The following PRSS12 variants were observed in gnomAD, a reference collection of about 807,000 sequenced individuals.
PRSS12 encodes neurotrypsin.
Under a neutral mutation model 104.4 loss-of-function variants are expected in PRSS12, and 85 were observed. The observed-to-expected ratio is 0.81, with a 90% confidence interval of 0.68 to 0.98. PRSS12 has a LOEUF of 0.98. Ranked by LOEUF, PRSS12 falls within the 50% of genes least tolerant of loss-of-function variation. PRSS12 has a pLI of 0.00. For missense variants in PRSS12, 1,141 were observed against 1,139.2 expected (o/e 1.00, Z -0.02); for synonymous variants, 454 against 425.2 (o/e 1.07, Z -0.83).
intron 2 of PRSS12, among the ~76,000 whole-genome samples, chr4:118,337,868 C>T (rs1402184362): frequency 6.6e-6 from 1 of 151,862 alleles, no homozygotes; most frequent in Non-Finnish European, 1.5e-5. Context: ...TTTGTAAAGG[C>T]ATAACTTGCT....
chr4:118,310,460 C>T (rs1333117905), intron 7 of PRSS12, among the ~76,000 whole-genome samples: 1 of 152,066 alleles, frequency 6.6e-6, no homozygotes, highest in Non-Finnish European at 1.5e-5. Context: ...TCATTAAATT[C>T]CTAATTCTTG....
intron 2 of PRSS12, 144 bp downstream of exon 2, chr4:118,338,032 T>G (rs192448228): frequency 1.8e-6 from 2 of 1,088,260 alleles, no homozygotes; most frequent in East Asian, 5.2e-5. Context: ...TTGGGGCCCT[T>G]TCTTTATAGC....
chr4:118,324,583 C>A (rs1312591102), intron 4 of PRSS12, among the ~76,000 whole-genome samples: 1 of 152,006 alleles, frequency 6.6e-6, no homozygotes. Context: ...TGAACTTGGC[C>A]CGTTCCTTAA....
chr4:118,337,064 A>G (rs1389700928), intron 2 of PRSS12, among the ~76,000 whole-genome samples: 1 of 152,204 alleles, frequency 6.6e-6, no homozygotes, highest in Non-Finnish European at 1.5e-5. Context: ...TTGCTCTAAC[A>G]GCATCAAAAA....
At chr4:118,343,203 A>G (rs1323366727) in intron 1 of PRSS12, among the ~76,000 whole-genome samples, 2 of 151,996 alleles carry the variant, frequency 1.3e-5, no homozygotes, top group African/African-American at 4.8e-5. Context: ...GGCCTAGACA[A>G]CAGAGTGAGA....
At chr4:118,291,779 TA>T (rs1321882289) in intron 11 of PRSS12, among the ~76,000 whole-genome samples, 3 of 152,160 alleles carry the variant, frequency 2.0e-5, no homozygotes, top group Non-Finnish European at 4.4e-5. Context: ...AAGACTGAAT[TA>T]ATTTCATGGG....
At chr4:118,343,269 T>C (rs988414368) in intron 1 of PRSS12, among the ~76,000 whole-genome samples, 4 of 151,390 alleles carry the variant, frequency 2.6e-5, no homozygotes, top group Admixed American at 2.6e-4. Context: ...GTGGCCCACG[T>C]GTGTAGTCCC....
chr4:118,307,744 AC>A (rs1165535071), intron 8 of PRSS12, among the ~76,000 whole-genome samples: 3 of 151,982 alleles, frequency 2.0e-5, no homozygotes, highest in Non-Finnish European at 4.4e-5. Flanking sequence ...TCTTATTGTA[AC>A]TCACGCCTGA....
intron 1 of PRSS12, among the ~76,000 whole-genome samples, chr4:118,344,348 G>A (rs1425333709): frequency 6.6e-6 from 1 of 152,050 alleles, no homozygotes; most frequent in Non-Finnish European, 1.5e-5. Context: ...ACTCTTGGTT[G>A]AATTTTTCAA....
chr4:118,341,501 G>A (rs1226630947), intron 1 of PRSS12, among the ~76,000 whole-genome samples: 1 of 152,016 alleles, frequency 6.6e-6, no homozygotes, highest in Admixed American at 6.6e-5. Flanking sequence ...TGACCAACAT[G>A]GAGAAACCCC....
intron 8 of PRSS12, among the ~76,000 whole-genome samples, chr4:118,302,491 A>C (rs788646): frequency 0.29 from 44,584 of 152,146 alleles, 8,121 homozygotes; most frequent in Middle Eastern, 0.44. Flanking sequence ...CAATGGCACA[A>C]TCTCAGCTTA....
At chr4:118,285,785 G>A (rs915242536) in intron 11 of PRSS12, among the ~76,000 whole-genome samples, 4 of 151,926 alleles carry the variant, frequency 2.6e-5, no homozygotes, top group Non-Finnish European at 5.9e-5. Context: ...ATTATTTAAA[G>A]TACTTTGACC....
intron 8 of PRSS12, among the ~76,000 whole-genome samples, chr4:118,305,504 C>A (rs1467327561): frequency 2.0e-5 from 3 of 152,008 alleles, no homozygotes; most frequent in Admixed American, 2.0e-4. Flanking sequence ...AAAAAATCTT[C>A]TTCAGTTTGG....
At chr4:118,289,821 T>C (rs1311045064) in intron 11 of PRSS12, among the ~76,000 whole-genome samples, 1 of 152,190 alleles carries the variant, frequency 6.6e-6, no homozygotes, top group African/African-American at 2.4e-5. Flanking sequence ...GTTTTTTCCC[T>C]ACTCACATTA....
chr4:118,330,545 T>C (rs1208798318), intron 4 of PRSS12, among the ~76,000 whole-genome samples: 1 of 151,994 alleles, frequency 6.6e-6, no homozygotes, highest in African/African-American at 2.4e-5. Flanking sequence ...CAGGCCTTTC[T>C]AGAGTAAAAG....
At chr4:118,308,602 G>T in intron 7 of PRSS12, 25 bp from the exon 8 acceptor site, 1 of 1,527,714 alleles carries the variant, frequency 6.5e-7, no homozygotes, top group Non-Finnish European at 8.9e-7. Context: ...AAAAGTATTA[G>T]AACAGCCCAA....
At chr4:118,298,191 A>G (rs1472461509) in intron 9 of PRSS12, among the ~76,000 whole-genome samples, 1 of 151,980 alleles carries the variant, frequency 6.6e-6, no homozygotes, top group Non-Finnish European at 1.5e-5. Flanking sequence ...CAAGAACTCT[A>G]TTCATTTAAA....
At chr4:118,295,198 A>G in intron 10 of PRSS12, 137 bp from the exon 11 acceptor site, 1 of 1,150,630 alleles carries the variant, frequency 8.7e-7, no homozygotes, top group Non-Finnish European at 1.2e-6. Context: ...ACTCCAGGAT[A>G]CATCCCTTCC....
intron 6 of PRSS12, among the ~76,000 whole-genome samples, chr4:118,313,714 A>T (rs17642201): frequency 0.3 from 45,707 of 151,958 alleles, 7,251 homozygotes; most frequent in East Asian, 0.52. Context: ...TCCTGACCAT[A>T]GAAATTGTGA....
Sources: allele counts gnomAD v4.1 joint callset (sites outside exome capture counted in the v4.1 genomes callset), GRCh38; gene constraint gnomAD v4.1.1; transcripts MANE v1.5; gene names NCBI Gene and HGNC (gene_info 2026-07-23, HGNC 2026-07-21).